Variants in SUPT6H observed in about 807,000 individuals in gnomAD.
The protein encoded by SUPT6H is transcription elongation factor SPT6.
SUPT6H carries 11 observed loss-of-function variants against 222.3 expected under a neutral mutation model. That is an observed-to-expected ratio of 0.05 (90% CI 0.03 to 0.08). The LOEUF (loss-of-function observed/expected upper bound fraction) is 0.08. Ranked by LOEUF, SUPT6H falls within the 10% of genes least tolerant of loss-of-function variation. SUPT6H has a pLI of 1.00. For missense variants in SUPT6H, 1,422 were observed against 2,216.0 expected (o/e 0.64, Z 7.19); for synonymous variants, 762 against 801.2 (o/e 0.95, Z 0.83).
At chr17:28,685,082 A>T in intron 19 of SUPT6H, 121 bp downstream of exon 19, 2 of 958,516 alleles carry the variant, frequency 2.1e-6, no homozygotes, top group East Asian at 2.7e-5. Context: ...TGATCTGGTC[A>T]CTGACTTGTC....
chr17:28,662,343 G>C lies in SUPT6H; in HGVS notation c.-32+1G>C, dbSNP rs2072070827. On this transcript the variant is annotated splice_donor_variant, in intron 1 of 36. Coordinates refer to ENST00000314616, the MANE Select transcript of SUPT6H (RefSeq NM_003170.5). LOFTEE classifies it low-confidence loss of function (5UTR_SPLICE). Reference sequence around the variant, plus strand: ...TGGAGGAGCGGCGGGCTTCAGACAGGTAAAGTTCCGACTGGAGAGCGTGTT... The same window carrying C: ...TGGAGGAGCGGCGGGCTTCAGACAGCTAAAGTTCCGACTGGAGAGCGTGTT... 1 of 160,880 alleles carries C rather than the reference G, an allele frequency of 6.2e-6. No individual in the cohort carries two copies. 10.0% of individuals were successfully genotyped at this position (160,880 alleles called of 1,614,324 possible). A position where few individuals can be genotyped will look rare whatever the true frequency, so the allele number is the denominator to read the frequency against.
intron 27 of SUPT6H, 46 bp from the exon 28 acceptor site, chr17:28,693,650 C>T (rs749458820): frequency 1.9e-6 from 3 of 1,608,850 alleles, no homozygotes; most frequent in Non-Finnish European, 8.5e-7. Context: ...AATGAGCGAT[C>T]TCCAGAATAT....
At chr17:28,678,050 G>GC (rs2030865893) in intron 8 of SUPT6H, 26 bp from the exon 9 acceptor site, 1 of 1,592,690 alleles carries the variant, frequency 6.3e-7, no homozygotes, top group Non-Finnish European at 8.6e-7. Flanking sequence ...ACATTGTCTT[G>GC]CTATTTCTTT....
chr17:28,684,425 AT>A (rs572750453), intron 17 of SUPT6H, among the ~76,000 whole-genome samples, 160 bp from the exon 18 acceptor site: 8 of 152,312 alleles, frequency 5.3e-5, no homozygotes, highest in Non-Finnish European at 7.3e-5. Flanking sequence ...CAAGCAAGAT[AT>A]GCCTTCAGGT....
intron 1 of SUPT6H, among the ~76,000 whole-genome samples, chr17:28,666,476 GT>G (rs748258214): frequency 2.1e-4 from 32 of 151,734 alleles, no homozygotes; most frequent in Non-Finnish European, 3.5e-4. Flanking sequence ...TCTGAATCTG[GT>G]TACATATTTC....
chr17:28,662,982 C>T (rs897298858), intron 1 of SUPT6H, among the ~76,000 whole-genome samples: 1 of 152,172 alleles, frequency 6.6e-6, no homozygotes, highest in East Asian at 1.9e-4. Flanking sequence ...CTACCTTTCT[C>T]CTCAGGCACT....
chr17:28,700,249 A>C lies in SUPT6H; in HGVS notation c.4638A>C (p.Ala1546=), dbSNP rs200810227. ...CTACCCCAGCCAACATCAACCTTGCAGGTGAGGAGCTTGAGCCTGGGACTG... is the reference window on the plus strand; with the variant it reads ...CTACCCCAGCCAACATCAACCTTGCCGGTGAGGAGCTTGAGCCTGGGACTG... ...INATPANINL[A]DLTRAVNALP... The change falls in exon 34 of 37, where the codon GCA becomes GCC. Residue 1546 remains alanine, a splice_region_variant and synonymous_variant. Transcript: ENST00000314616. 72 of 1,614,092 alleles carry C rather than the reference A, an allele frequency of 4.5e-5. No individual in the cohort carries two copies. The highest frequency in any genetic ancestry group is 1.6e-4 in the Middle Eastern group (1 of 6,084).
rs914334139 is a variant in SUPT6H at position 28,701,331 on chromosome 17, A to G, written c.4995-108A>G. The G allele has an allele frequency of 1.3e-5, 19 of 1,456,834 alleles. No homozygotes were observed. The highest frequency in any genetic ancestry group is 1.9e-4 in the Middle Eastern group (1 of 5,262). The allele number at this position is 1,456,834 out of a possible 1,614,324, so 90.2% of individuals were successfully genotyped here. Reference sequence around the variant, plus strand: ...TGCTGTATCTGCCTTATCCCAGTAGAGGGGCTGCTGCCCATAGGTATGAGG... The same window carrying G: ...TGCTGTATCTGCCTTATCCCAGTAGGGGGGCTGCTGCCCATAGGTATGAGG... On this transcript the variant is annotated intron_variant, in intron 36 of 36. Transcript: ENST00000314616.
chr17:28,667,403 G>GTATATATA (rs1432342239), intron 1 of SUPT6H, among the ~76,000 whole-genome samples: 2,420 of 42,042 alleles, frequency 0.058, 107 homozygotes, highest in Non-Finnish European at 0.086. Context: ...AAGTGTGTGT[G>GTATATATA]TGTATATATA....
chr17:28,683,126 G>A (rs752913906), intron 15 of SUPT6H, 34 bp downstream of exon 15: 3 of 1,568,066 alleles, frequency 1.9e-6, no homozygotes, highest in Non-Finnish European at 1.7e-6. Context: ...TCCAAGATGT[G>A]CACCAGCTCT....
Position 28,688,086 on chromosome 17 carries a change from C to T in SUPT6H, c.3007-5C>T, listed in dbSNP as rs775341085. The T allele has an allele frequency of 6.2e-7, 1 of 1,609,906 alleles. No homozygotes were observed. Among genetic ancestry groups the T allele is most frequent in the African/African-American group, 1.3e-5 (1 of 74,926 alleles). The stretch of plus-strand genomic sequence containing the variant: ...GCCCTGGCTCAGTCCAGCTCTCTCC[C>T]CCAGATCCTGAAGCAGAACAACACC... On this transcript the variant is annotated splice_polypyrimidine_tract_variant and splice_region_variant and intron_variant, in intron 23 of 36. Coordinates refer to ENST00000314616, the MANE Select transcript of SUPT6H (RefSeq NM_003170.5). This position sits in a 1 kb window ranked among gnomAD's most constrained non-coding sequence, Gnocchi z 4.3.
intron 17 of SUPT6H, among the ~76,000 whole-genome samples, chr17:28,684,033 T>A (rs1259489999): frequency 1.3e-5 from 2 of 152,086 alleles, no homozygotes; most frequent in Admixed American, 1.3e-4. Flanking sequence ...AAATATGTTA[T>A]ATTTTTAGTA....
At chr17:28,687,507 G>A in intron 23 of SUPT6H, 36 bp downstream of exon 23, 1 of 1,603,690 alleles carries the variant, frequency 6.2e-7, no homozygotes, top group Non-Finnish European at 8.5e-7. Context: ...TTTAAAACTT[G>A]CCATTTCATT....
chr17:28,689,700 C>T (rs2031552183), intron 25 of SUPT6H, 139 bp downstream of exon 25: 1 of 834,894 alleles, frequency 1.2e-6, no homozygotes, highest in Non-Finnish European at 1.8e-6. Flanking sequence ...CTGCCCTGCT[C>T]TACTGGGCTC....
rs767720942 is a variant in SUPT6H at position 28,690,933 on chromosome 17, T to C, written c.3503T>C (p.Ile1168Thr). ...TTCCTTCTTGCAGGAAAGCTCATCA[T>C]CTGCAATGTCACTGGCATTGCCCAC... ...PETFYIGKLI[I>T]CNVTGIAHRR... Residue 1168 changes from isoleucine to threonine, a missense_variant, in exon 27 of 37, where the codon ATC becomes ACC. By Grantham distance (89) the Ile-to-Thr change is moderately conservative. This residue lies in a region of SUPT6H where 60 missense variants were observed against 96.7 expected (regional missense o/e 0.62). Transcript: ENST00000314616. 6 of 1,613,568 alleles carry C rather than the reference T, an allele frequency of 3.7e-6. No homozygotes were observed. The Middle Eastern group carries it at 5.4e-4, about 144-fold the overall frequency.
chr17:28,666,575 G>A (rs1158689434), intron 1 of SUPT6H, among the ~76,000 whole-genome samples: 3 of 147,282 alleles, frequency 2.0e-5, no homozygotes, highest in African/African-American at 2.5e-5. Context: ...TTTTTGAGAC[G>A]GAGTCTCGCT....
Position 28,678,806 on chromosome 17 carries a change from C to A in SUPT6H, c.1207-15C>A, listed in dbSNP as rs989320346. The A allele has an allele frequency of 1.2e-6, 2 of 1,613,988 alleles. No homozygotes were observed. The highest frequency in any genetic ancestry group is 2.7e-5 in the African/African-American group (2 of 74,906). On this transcript the variant is annotated splice_polypyrimidine_tract_variant and intron_variant, in intron 10 of 36. Coordinates refer to ENST00000314616, the MANE Select transcript of SUPT6H (RefSeq NM_003170.5). ...GCTGAACACAAGCTCTCATTCCTGC[C>A]CTACTTCACCTTAGTGGACCCAGCT...
chr17:28,701,342 C>A, intron 36 of SUPT6H, 97 bp from the exon 37 acceptor site: 2 of 1,490,514 alleles, frequency 1.3e-6, no homozygotes, highest in Non-Finnish European at 1.8e-6. Context: ...GGGGCTGCTG[C>A]CCATAGGTAT....
chr17:28,674,033 A>G (rs1317371232), intron 2 of SUPT6H, among the ~76,000 whole-genome samples: 1 of 152,240 alleles, frequency 6.6e-6, no homozygotes, highest in Non-Finnish European at 1.5e-5. Flanking sequence ...AATGATTTTG[A>G]GAAGCCAAAG....
Sources: gnomAD v4.1 joint callset for allele counts (sites outside exome capture counted in the v4.1 genomes callset) on GRCh38, gnomAD v4.1.1 for gene constraint, gnomAD v4.1.1 regional missense constraint, Gnocchi (gnomAD v3.1) non-coding constraint, MANE v1.5 for transcripts, NCBI Gene and HGNC (gene_info 2026-07-23, HGNC 2026-07-21) for gene names.